Variants in SEMA4F observed in about 807,000 individuals in gnomAD.
The protein encoded by SEMA4F is ssemaphorin 4F.
A neutral mutation model predicts 78.4 loss-of-function variants in SEMA4F; 51 were observed. The observed-to-expected ratio is 0.65, with a 90% confidence interval of 0.52 to 0.82. SEMA4F has a LOEUF of 0.82. Among genes scored for constraint, SEMA4F ranks in the 40% least tolerant of loss-of-function variants. The pLI is 0.00. For missense variants in SEMA4F, 938 were observed against 1,014.4 expected, an observed-to-expected ratio of 0.92 and a Z score of 1.02; for synonymous variants, 418 against 408.7, an observed-to-expected ratio of 1.02 and a Z score of -0.27.
chr2:74,657,182 G>A (rs1406864421), intron 2 of SEMA4F, among the ~76,000 whole-genome samples: 1 of 152,120 alleles, frequency 6.6e-6, no homozygotes, highest in South Asian at 2.1e-4. Context: ...TATGTATTCT[G>A]CGAATATCCC....
Position 74,669,405 on chromosome 2 carries a change from G to A in SEMA4F, c.551-4052G>A, listed in dbSNP as rs532854212. ...TTGAGACCAGCCTGGCCTACACAGT[G>A]AAACCCTGTCTCTAATAAAAATACA... On this transcript the variant is annotated intron_variant, in intron 5 of 13. Coordinates refer to ENST00000357877, the MANE Select transcript of SEMA4F (RefSeq NM_004263.5). Among the ~76,000 whole-genome samples, 3 of 152,118 alleles carry A rather than the reference G, an allele frequency of 2.0e-5. No homozygotes were observed. The East Asian group carries it at 5.8e-4, about 29-fold the overall frequency.
intron 1 of SEMA4F, among the ~76,000 whole-genome samples, chr2:74,654,853 C>T (rs1396650216): frequency 6.6e-6 from 1 of 152,234 alleles, no homozygotes; most frequent in Non-Finnish European, 1.5e-5. Flanking sequence ...GCCCAGAGCT[C>T]GGGTGGGGGC....
chr2:74,675,178 T>G lies in SEMA4F; in HGVS notation c.1166T>G (p.Met389Arg). ...PRPGECITNN[M>R]KLRHFGSSLS... is the part of the protein sequence containing the mutation. ...TTCCTCTAGTGCATCACCAACAACA[T>G]GAAGCTCCGGCACTTTGGCTCATCT... Residue 389 changes from methionine (M) to arginine (R), a missense_variant, in exon 10 of 14, where the codon ATG (methionine) becomes AGG (arginine). Physicochemically the swap from Met to Arg is moderately conservative, Grantham distance 91. Coordinates refer to ENST00000357877, the MANE Select transcript of SEMA4F (RefSeq NM_004263.5). 1 of 1,614,080 alleles carries G rather than the reference T, an allele frequency of 6.2e-7. No individual in the cohort carries two copies. Among genetic ancestry groups the G allele is most frequent in the African/African-American group, 1.3e-5 (1 of 74,986 alleles).
intron 12 of SEMA4F, among the ~76,000 whole-genome samples, chr2:74,677,151 C>T (rs1010919376): frequency 6.6e-6 from 1 of 152,216 alleles, no homozygotes; most frequent in Non-Finnish European, 1.5e-5. Context: ...ATCCACTTGC[C>T]TTGGCCTCCC....
chr2:74,700,316 A>G, the SEMA4F span, among the ~76,000 whole-genome samples: 1,258 of 152,176 alleles, frequency 8.3e-3, 27 homozygotes, highest in African/African-American at 0.028. Context: ...TAAAGGGAGC[A>G]ATGGTAGAGT....
At chr2:74,676,752 G>A (rs893413777) in intron 12 of SEMA4F, among the ~76,000 whole-genome samples, 1 of 151,994 alleles carries the variant, frequency 6.6e-6, no homozygotes, top group Non-Finnish European at 1.5e-5. Context: ...AACCTAATTG[G>A]TCTTTTTTTG....
chr2:74,655,796 G>A (rs569824580), intron 1 of SEMA4F, among the ~76,000 whole-genome samples: 1 of 152,112 alleles, frequency 6.6e-6, no homozygotes, highest in Non-Finnish European at 1.5e-5. Flanking sequence ...TGGGAGGAAG[G>A]AGTGGGCGGG....
chr2:74,693,299 TTCTTTCTTC>T, the SEMA4F span, among the ~76,000 whole-genome samples: 1 of 152,240 alleles, frequency 6.6e-6, no homozygotes, highest in African/African-American at 2.4e-5. Flanking sequence ...ATACATTTGT[TTCTTTCTTC>T]TCTTTCTTAT....
chr2:74,654,498 C>T lies in SEMA4F; in HGVS notation c.122C>T (p.Pro41Leu), dbSNP rs923470542. The change falls in exon 1 of 14, where the codon CCC (proline) becomes CTC (leucine). Residue 41 changes from proline to leucine, a missense_variant. Pro to Leu is a moderately conservative substitution (Grantham distance 98, BLOSUM62 -3). Transcript: ENST00000357877. ...TCCGGCCGCGTCCCCCGCTCGGTGC[C>T]CAGAACCTCGCTTCCAATCTCTGGT... ...PVSGRVPRSV[P>L]RTSLPISEAD... 1 of 1,574,442 alleles carries T rather than the reference C, an allele frequency of 6.4e-7. No homozygotes were observed. Among genetic ancestry groups the T allele is most frequent in the South Asian group, 1.2e-5 (1 of 86,602 alleles).
downstream of SEMA4F, among the ~76,000 whole-genome samples, chr2:74,686,792 C>T (rs1359596005): frequency 5.9e-5 from 9 of 151,852 alleles, no homozygotes; most frequent in East Asian, 1.8e-3. Context: ...AAACCAAACA[C>T]TGCATGTTCT....
At chr2:74,669,799 C>G (rs80020509) in intron 5 of SEMA4F, among the ~76,000 whole-genome samples, 3,789 of 152,170 alleles carry the variant, frequency 0.025, 72 homozygotes, top group Non-Finnish European at 0.043. Flanking sequence ...TATTTTTACT[C>G]ATAATTATGA....
At chr2:74,695,809 T>C in the SEMA4F span, among the ~76,000 whole-genome samples, 1 of 152,216 alleles carries the variant, frequency 6.6e-6, no homozygotes. Context: ...CTGGGAATTC[T>C]CCCGAAGTTG....
At chr2:74,657,696 G>A in intron 3 of SEMA4F, 72 bp downstream of exon 3, 1 of 1,506,342 alleles carries the variant, frequency 6.6e-7, no homozygotes. Flanking sequence ...TCAGTCCCCT[G>A]TAATGCTTCC....
chr2:74,678,195 T>C (rs2105014266), intron 12 of SEMA4F, among the ~76,000 whole-genome samples: 1 of 152,342 alleles, frequency 6.6e-6, no homozygotes, highest in South Asian at 2.1e-4. Flanking sequence ...TCACTGGTCT[T>C]AGATATCCTC....
the SEMA4F span, among the ~76,000 whole-genome samples, chr2:74,705,124 A>G: frequency 1.3e-5 from 2 of 152,270 alleles, no homozygotes; most frequent in Admixed American, 1.3e-4. Context: ...AAAAAAGGAA[A>G]TTAAAATAAC....
intron 5 of SEMA4F, among the ~76,000 whole-genome samples, chr2:74,664,606 T>A (rs1357845205): frequency 6.6e-6 from 1 of 152,234 alleles, no homozygotes; most frequent in Non-Finnish European, 1.5e-5. Flanking sequence ...TGAGAGTGGC[T>A]TTTCTCTCAC....
intron 12 of SEMA4F, 113 bp downstream of exon 12, chr2:74,676,022 G>C: frequency 9.2e-7 from 1 of 1,090,498 alleles, no homozygotes. Context: ...TTCTTTTTCT[G>C]TCTGTTAGTG....
downstream of SEMA4F, among the ~76,000 whole-genome samples, chr2:74,685,849 A>G (rs1305839546): frequency 6.6e-6 from 1 of 152,192 alleles, no homozygotes; most frequent in Non-Finnish European, 1.5e-5. Flanking sequence ...TCTACAAAGA[A>G]CTTAAACAAA....
chr2:74,702,420 A>G, the SEMA4F span, among the ~76,000 whole-genome samples: 38 of 152,328 alleles, frequency 2.5e-4, no homozygotes, highest in African/African-American at 8.7e-4. Flanking sequence ...TTTGTCAATC[A>G]GACATTGTTG....
Sources: gnomAD v4.1 joint callset for allele counts (sites outside exome capture counted in the v4.1 genomes callset) on GRCh38, gnomAD v4.1.1 for gene constraint, MANE v1.5 for transcripts, NCBI Gene and HGNC (gene_info 2026-07-23, HGNC 2026-07-21) for gene names.